The following TRIM5 variants were observed in gnomAD, a reference collection of about 807,000 sequenced individuals.
The protein encoded by TRIM5 is tripartite motif containing 5.
A neutral mutation model predicts 35.6 loss-of-function variants in TRIM5; 31 were observed. The observed-to-expected ratio is 0.87, with a 90% CI of 0.65 to 1.18. TRIM5 has a LOEUF of 1.18. TRIM5 is among the 50% of genes most tolerant of loss of function. TRIM5 has a pLI of 0.00. For synonymous variants in TRIM5, 243 were observed against 215.6 expected, an observed-to-expected ratio of 1.13 and a Z score of -1.11; for missense variants, 609 against 591.6, an observed-to-expected ratio of 1.03 and a Z score of -0.31.
chr11:5,645,194 C>A, the TRIM5 span, among the ~76,000 whole-genome samples: 1 of 152,178 alleles, frequency 6.6e-6, no homozygotes, highest in South Asian at 2.1e-4. Context: ...GAGTTCAAGA[C>A]TGGCCTGGCC....
chr11:5,646,175 G>C, the TRIM5 span, among the ~76,000 whole-genome samples: 1 of 151,214 alleles, frequency 6.6e-6, no homozygotes, highest in East Asian at 1.9e-4. Flanking sequence ...TTTCTTCCCA[G>C]AATTCCAACC....
chr11:5,608,482 G>C, the TRIM5 span: 1 of 1,579,810 alleles, frequency 6.3e-7, no homozygotes, highest in East Asian at 2.3e-5. Context: ...AGAAGAATCA[G>C]AGTGGGGAAG....
chr11:5,632,287 A>C, the TRIM5 span: 2 of 1,612,934 alleles, frequency 1.2e-6, no homozygotes, highest in Non-Finnish European at 1.7e-6. Context: ...AAGAGAGAGG[A>C]GAGCCTCAGG....
chr11:5,616,132 T>G, the TRIM5 span, among the ~76,000 whole-genome samples: 3 of 149,686 alleles, frequency 2.0e-5, no homozygotes, highest in Non-Finnish European at 4.4e-5. Flanking sequence ...TTTGTATTTT[T>G]AGTAGAGGCG....
Position 5,664,106 on chromosome 11 carries a change from C to A in TRIM5, c.*703G>T, listed in dbSNP as rs1031276005. ...ATCCCAGCTACTTGGGAGGCTGAGG[C>A]AGGAGAATTGCTTGAATCTGAGAGG... On this transcript the variant is annotated 3_prime_UTR_variant, in exon 8 of 8. Coordinates refer to ENST00000380034, the MANE Select transcript of TRIM5 (RefSeq NM_033034.3). 2.9e-6 allele frequency: 1 copy of A among 341,706 alleles called. No homozygotes were observed. The highest frequency in any genetic ancestry group is 4.1e-6 in the Non-Finnish European group (1 of 245,510). The allele number at this position is 341,706 out of a possible 1,614,324, so 21.2% of individuals were successfully genotyped here. A position where few individuals can be genotyped will look rare whatever the true frequency, so the allele number is the denominator to read the frequency against.
chr11:5,634,810 C>A, the TRIM5 span: 1 of 1,613,646 alleles, frequency 6.2e-7, no homozygotes, highest in South Asian at 1.1e-5. Flanking sequence ...TGAGAGAGCT[C>A]ATCTCAGATG....
chr11:5,606,492 T>C, the TRIM5 span, among the ~76,000 whole-genome samples: 2 of 152,194 alleles, frequency 1.3e-5, no homozygotes, highest in Non-Finnish European at 2.9e-5. Flanking sequence ...TTCCTCTTGC[T>C]CCTTCTTTCT....
the TRIM5 span, chr11:5,603,577 G>A: frequency 3.7e-6 from 6 of 1,613,864 alleles, no homozygotes; most frequent in African/African-American, 5.3e-5. Context: ...GTTGGGCCCT[G>A]GGAAGCAGCT....
chr11:5,622,842 T>C, the TRIM5 span, among the ~76,000 whole-genome samples: 1 of 152,202 alleles, frequency 6.6e-6, no homozygotes, highest in Non-Finnish European at 1.5e-5. Context: ...AGGTTAAGGA[T>C]GCACCCATGA....
At chr11:5,635,484 C>T in the TRIM5 span, among the ~76,000 whole-genome samples, 1 of 152,094 alleles carries the variant, frequency 6.6e-6, no homozygotes. Context: ...TATTAATCTC[C>T]TGACCTCGTG....
At chr11:5,612,256 T>C in the TRIM5 span, 1 of 152,234 alleles carries the variant, frequency 6.6e-6, no homozygotes, top group African/African-American at 2.4e-5. Flanking sequence ...ATAAATTACT[T>C]TGTTTTTGTA....
rs149979709 is a variant in TRIM5, at chr11:5,678,306, A to G, written c.642T>C (p.Leu214=). 31 of 1,614,028 alleles carry G rather than the reference A, an allele frequency of 1.9e-5. No individual in the cohort carries two copies. Among genetic ancestry groups the G allele is most frequent in the Non-Finnish European group, 2.5e-5 (30 of 1,179,990 alleles). ...EKEEEDILKS[L]TNSETEMVQQ... ...GCACCATCTCAGTTTCAGAGTTCGT[A>G]AGGCTTTTCAGAATGTCTTCCTCCT... The change falls in exon 4 of 8, where the codon CTT becomes CTC. Residue 214 remains leucine (L), a synonymous_variant. Transcript: ENST00000380034.
At chr11:5,652,905 G>A in the TRIM5 span, among the ~76,000 whole-genome samples, 3 of 149,080 alleles carry the variant, frequency 2.0e-5, no homozygotes, top group Non-Finnish European at 4.4e-5. Context: ...AGGCTGGAGT[G>A]CAGTGGCGTG....
At chr11:5,641,555 A>ATGT in the TRIM5 span, among the ~76,000 whole-genome samples, 1 of 152,164 alleles carries the variant, frequency 6.6e-6, no homozygotes, top group Admixed American at 6.6e-5. Flanking sequence ...GGCCTTGTCA[A>ATGT]ATCCTAAAAT....
chr11:5,667,783 TC>T, intron 4 of TRIM5, 72 bp from the exon 5 acceptor site: 2 of 1,530,980 alleles, frequency 1.3e-6, no homozygotes, highest in Non-Finnish European at 9.0e-7. Context: ...TCATCACATT[TC>T]CCCCGGTTCC....
In TRIM5 at chr11:5,665,200, T is replaced by C. The variant is rs1346616503; in HGVS notation, c.1091A>G (p.Asp364Gly). 1 of 1,614,182 alleles carries C rather than the reference T, an allele frequency of 6.2e-7. No homozygotes were observed. The highest frequency in any genetic ancestry group is 8.5e-7 in the Non-Finnish European group (1 of 1,180,026). The change falls in exon 8 of 8, where the codon GAC becomes GGC. Residue 364 changes from aspartate (D) to glycine (G), a missense_variant. By Grantham distance (94) the Asp-to-Gly change is moderately conservative (BLOSUM62 -1). Transcript: ENST00000380034. ...GATCCAAGCAGTTTTCTTGGACACG[T>C]CTACCTCCCAGTAATGTTTCCCTGA... ...ITSGKHYWEV[D>G]VSKKTAWILG...
At chr11:5,617,512 G>C in the TRIM5 span, among the ~76,000 whole-genome samples, 1 of 126,054 alleles carries the variant, frequency 7.9e-6, no homozygotes, top group Non-Finnish European at 1.7e-5. Context: ...TTTTCAGGCA[G>C]AGTTTTGCTC....
At chr11:5,637,989 C>T in the TRIM5 span, among the ~76,000 whole-genome samples, 1 of 152,214 alleles carries the variant, frequency 6.6e-6, no homozygotes, top group Non-Finnish European at 1.5e-5. Context: ...GAAAGACTAG[C>T]ATGTCTATTT....
Position 5,663,677 on chromosome 11 carries a change from G to C in TRIM5, c.*1132C>G. ...TAAATATACATATTTATGTGGTACAGTGTGATGTTTTGATACATGTATACA... is the reference window on the plus strand; with the variant it reads ...TAAATATACATATTTATGTGGTACACTGTGATGTTTTGATACATGTATACA... On this transcript the variant is annotated 3_prime_UTR_variant, in exon 8 of 8. Transcript: ENST00000380034. 1.4e-6 allele frequency: 1 copy of C among 709,444 alleles called. No homozygotes were observed. Among genetic ancestry groups the C allele is most frequent in the Non-Finnish European group, 1.7e-6 (1 of 577,868 alleles). 43.9% of individuals were successfully genotyped at this position (709,444 alleles called of 1,614,324 possible).
Sources: gnomAD v4.1 joint callset for allele counts (sites outside exome capture counted in the v4.1 genomes callset) on GRCh38, gnomAD v4.1.1 for gene constraint, MANE v1.5 for transcripts, NCBI Gene and HGNC (gene_info 2026-07-23, HGNC 2026-07-21) for gene names.